Variants in MUC12 observed in about 807,000 individuals in gnomAD.
The protein encoded by MUC12 is mucin-12.
A neutral mutation model predicts 230.8 loss-of-function variants in MUC12; 172 were observed. The observed-to-expected ratio is 0.75, with a 90% CI of 0.66 to 0.85. MUC12 has a LOEUF of 0.85. Among genes scored for constraint, MUC12 ranks in the 40% least tolerant of loss-of-function variants. The pLI, the probability that MUC12 is intolerant of heterozygous loss-of-function variation, is 0.00. For missense variants in MUC12, 3,506 were observed against 5,920.6 expected (o/e 0.59, Z 13.38); for synonymous variants, 1,259 against 2,401.9 (o/e 0.52, Z 13.91).
Position 101,008,758 on chromosome 7 carries a change from T to C in MUC12, c.15183T>C (p.Asn5061=). 6.5e-7 allele frequency: 1 copy of C among 1,536,982 alleles called. No homozygotes were observed. Among genetic ancestry groups the C allele is most frequent in the Non-Finnish European group, 8.7e-7 (1 of 1,146,790 alleles). ...EYQNFSTLFK[N]RMDVVLKGDN... is the part of the protein sequence containing the mutation. ...AGAACTTCAGTACCCTCTTCAAGAA[T>C]CGGGTAAGACCAGGGCACACCCAGA... The change falls in exon 4 of 12, where the codon AAT becomes AAC. Residue 5061 remains asparagine, a synonymous_variant. Transcript: ENST00000536621.
At position 100,992,033 on chromosome 7, in the gene MUC12, T is replaced by G; in HGVS notation, c.1470T>G (p.Ser490Arg). The change falls in exon 2 of 12, where the codon AGT becomes AGG. Residue 490 changes from serine (S) to arginine (R), a missense_variant. Ser to Arg is a moderately radical substitution (Grantham distance 110). Coordinates refer to ENST00000536621, the MANE Select transcript of MUC12 (RefSeq NM_001164462.2). ...GCAGTACCACAAAACCAGGCCTCAGTGAGAAATCTACCACTTTCTACAGTA... is the reference window on the plus strand; with the variant it reads ...GCAGTACCACAAAACCAGGCCTCAGGGAGAAATCTACCACTTTCTACAGTA... ...LPGSTTKPGL[S>R]EKSTTFYSSP... 3 of 1,537,968 alleles carry G rather than the reference T, an allele frequency of 2.0e-6. No individual in the cohort carries two copies. The highest frequency in any genetic ancestry group is 2.6e-6 in the Non-Finnish European group (3 of 1,147,074).
chr7:101,005,310 G>T lies in MUC12; in HGVS notation c.14747G>T (p.Gly4916Val). 1 of 1,537,776 alleles carries T rather than the reference G, an allele frequency of 6.5e-7. No homozygotes were observed. Among genetic ancestry groups the T allele is most frequent in the Non-Finnish European group, 8.7e-7 (1 of 1,147,014 alleles). Residue 4916 changes from glycine (G) to valine (V), a missense_variant, in exon 2 of 12, where the codon GGA becomes GTA. Coordinates refer to ENST00000536621, the MANE Select transcript of MUC12 (RefSeq NM_001164462.2). ...TAFHSSSDAT[G>V]TTPLPARSTA... ...TTCCACAGCAGCTCAGACGCAACTGGAACAACACCCTTACCTGCCCGCTCC... is the reference window on the plus strand; with the variant it reads ...TTCCACAGCAGCTCAGACGCAACTGTAACAACACCCTTACCTGCCCGCTCC...
intron 10 of MUC12, chr7:101,017,220 A>G (rs1793944312): frequency 9.6e-6 from 2 of 207,764 alleles, no homozygotes; most frequent in East Asian, 2.2e-4. Context: ...TACCGTTGCT[A>G]TGAAGGAGGG....
intron 5 of MUC12, among the ~76,000 whole-genome samples, chr7:101,009,365 C>A (rs553016771): frequency 6.6e-6 from 1 of 152,336 alleles, no homozygotes; most frequent in African/African-American, 2.4e-5. Flanking sequence ...AGCCAGCCCC[C>A]TGCTGGGTGC....
intron 5 of MUC12, 115 bp downstream of exon 5, chr7:101,009,274 C>A: frequency 9.6e-7 from 1 of 1,040,772 alleles, no homozygotes; most frequent in African/African-American, 1.6e-5. Context: ...GTCAGAGAGT[C>A]CTGCAGCCGC....
chr7:101,012,840 A>T lies in MUC12; in HGVS notation c.15425A>T (p.Glu5142Val). The T allele has an allele frequency of 1.3e-6, 2 of 1,537,188 alleles. No individual in the cohort carries two copies. The highest frequency in any genetic ancestry group is 2.4e-5 in the South Asian group (2 of 84,064). ...GCAGAGGCCATACTGTGCTATAGTG[A>T]AGAGGACACTTTCGTGGATTCATCG... ...SCRKAILCYS[E>V]EDTFVDSSVT... is the part of the protein sequence containing the mutation. Residue 5142 changes from glutamate to valine, a missense_variant, in exon 7 of 12, where the codon GAA becomes GTA. Glu to Val is a moderately radical substitution (Grantham distance 121). Transcript: ENST00000536621.
intron 1 of MUC12, among the ~76,000 whole-genome samples, chr7:100,974,920 C>A (rs117386324): frequency 7.6e-3 from 1,160 of 152,088 alleles, no homozygotes; most frequent in Middle Eastern, 0.045. Context: ...TTGAAAGAGG[C>A]CTCTTGAGAG....
intron 1 of MUC12, 167 bp from the exon 2 acceptor site, chr7:100,990,464 T>C (rs1793262398): frequency 2.5e-6 from 2 of 799,450 alleles, no homozygotes; most frequent in Non-Finnish European, 3.9e-6. Context: ...TCTTCAAATC[T>C]ACAGGTTCAA....
At chr7:100,990,032 A>G (rs1793254111) in intron 1 of MUC12, among the ~76,000 whole-genome samples, 1 of 152,162 alleles carries the variant, frequency 6.6e-6, no homozygotes, top group Non-Finnish European at 1.5e-5. Flanking sequence ...AGACTCAGAA[A>G]AGTATCTAGT....
chr7:100,991,366 C>A lies in MUC12; in HGVS notation c.803C>A (p.Ser268Tyr). Reference sequence around the variant, plus strand: ...CACACAACACTGTCCCCTTCCAGCTCTACAACCCATGAGGGAGAACCTACC... The same window carrying A: ...CACACAACACTGTCCCCTTCCAGCTATACAACCCATGAGGGAGAACCTACC... The part of the protein sequence containing the change: ...SPHTTLSPSS[S>Y]TTHEGEPTTF... The change falls in exon 2 of 12, where the codon TCT (serine) becomes TAT (tyrosine). Residue 268 changes from serine (S) to tyrosine (Y), a missense_variant. Coordinates refer to ENST00000536621, the MANE Select transcript of MUC12 (RefSeq NM_001164462.2). The A allele has an allele frequency of 6.5e-7, 1 of 1,537,856 alleles. No individual in the cohort carries two copies. The highest frequency in any genetic ancestry group is 8.7e-7 in the Non-Finnish European group (1 of 1,147,042).
At chr7:100,970,383 A>G (rs1792847419) in intron 1 of MUC12, among the ~76,000 whole-genome samples, 1 of 151,878 alleles carries the variant, frequency 6.6e-6, no homozygotes, top group Non-Finnish European at 1.5e-5. Context: ...GCTACTTGGG[A>G]GGCTGAGGCA....
chr7:101,017,637 CTG>C lies in MUC12; in HGVS notation c.15941_15942del (p.Leu5314ArgfsTer4), dbSNP rs1253581315. On this transcript the variant is annotated frameshift_variant, in exon 11 of 12. Transcript: ENST00000536621. LOFTEE classifies it low-confidence loss of function (END_TRUNC). ...CGCCTACAACAACTTCCGGCCCACCCTGGAGACTGTTGACTCTGGCACAGAGG... is the reference window on the plus strand; with the variant it reads ...CGCCTACAACAACTTCCGGCCCACCCGAGACTGTTGACTCTGGCACAGAGG... Reference protein sequence around the residue: ...ENAYNNFRPTLETVDSGTELH... With the variant: ...ENAYNNFRPTXETVDSGTELH... 1 of 1,536,116 alleles carries C rather than the reference CTG, an allele frequency of 6.5e-7. No individual in the cohort carries two copies. The highest frequency in any genetic ancestry group is 2.4e-5 in the East Asian group (1 of 40,900).
chr7:100,991,422 A>T lies in MUC12; in HGVS notation c.859A>T (p.Thr287Ser). ...TFQSWPSSKD[T>S]SPAPSGTTSA... ...CCAGAGCTGGCCAAGCTCAAAGGAC[A>T]CTTCGCCTGCACCTTCTGGTACCAC... The change falls in exon 2 of 12, where the codon ACT becomes TCT. Residue 287 changes from threonine to serine, a missense_variant. Thr to Ser is a moderately conservative substitution (Grantham distance 58). Transcript: ENST00000536621. 6.5e-7 allele frequency: 1 copy of T among 1,537,816 alleles called. No homozygotes were observed. The highest frequency in any genetic ancestry group is 1.2e-5 in the South Asian group (1 of 84,054).
At chr7:100,976,945 G>A (rs1173294152) in intron 1 of MUC12, among the ~76,000 whole-genome samples, 3 of 150,214 alleles carry the variant, frequency 2.0e-5, no homozygotes, top group East Asian at 4.0e-4. Flanking sequence ...CAGCTACTCA[G>A]GAGACTGACG....
rs948503968 is a variant in MUC12, at chr7:101,014,021, C to G, written c.15747C>G (p.Leu5249=). The G allele has an allele frequency of 2.0e-6, 3 of 1,537,014 alleles. No homozygotes were observed. The highest frequency in any genetic ancestry group is 4.9e-5 in the East Asian group (2 of 40,914). Reference sequence around the variant, plus strand: ...GGGCTGTGATGGCGGTGCTGCTGCTCGCATTGATCATCCTAATCATCTTAT... The same window carrying G: ...GGGCTGTGATGGCGGTGCTGCTGCTGGCATTGATCATCCTAATCATCTTAT... ...IVGAVMAVLL[L]ALIILIILFS... The change falls in exon 9 of 12, where the codon CTC becomes CTG. Residue 5249 remains leucine (L), a synonymous_variant. Transcript: ENST00000536621.
intron 1 of MUC12, among the ~76,000 whole-genome samples, chr7:100,971,751 TC>T (rs1458625846): frequency 6.6e-6 from 1 of 152,312 alleles, no homozygotes; most frequent in Non-Finnish European, 1.5e-5. Flanking sequence ...GGAGGGGTCC[TC>T]CCCATCCCTG....
chr7:101,017,485 G>T, intron 10 of MUC12, 90 bp from the exon 11 acceptor site: 1 of 812,946 alleles, frequency 1.2e-6, no homozygotes. Context: ...ATGCCGGGCT[G>T]ACTCTTCCTT....
chr7:100,995,565 G>A lies in MUC12; in HGVS notation c.5002G>A (p.Gly1668Arg). The A allele has an allele frequency of 2.6e-6, 4 of 1,536,448 alleles. No homozygotes were observed. The highest frequency in any genetic ancestry group is 3.5e-6 in the Non-Finnish European group (4 of 1,146,926). The stretch of plus-strand genomic sequence containing the variant: ...ATCTACGCCCGTCCACAGCAGCACT[G>A]GATCGCCACACACAACACTGTCCCC... ...EASTPVHSST[G>R]SPHTTLSPAG... The change falls in exon 2 of 12, where the codon GGA (glycine) becomes AGA (arginine). Residue 1668 changes from glycine (G) to arginine (R), a missense_variant. Gly to Arg is a moderately radical substitution (Grantham distance 125). Coordinates refer to ENST00000536621, the MANE Select transcript of MUC12 (RefSeq NM_001164462.2).
Position 101,004,756 on chromosome 7 carries a change from A to G in MUC12, c.14193A>G (p.Thr4731=). 24 of 1,536,944 alleles carry G rather than the reference A, an allele frequency of 1.6e-5. No individual in the cohort carries two copies. Among genetic ancestry groups the G allele is most frequent in the Non-Finnish European group, 2.0e-5 (23 of 1,146,388 alleles). The change falls in exon 2 of 12, where the codon ACA becomes ACG. Residue 4731 remains threonine, a synonymous_variant. Coordinates refer to ENST00000536621, the MANE Select transcript of MUC12 (RefSeq NM_001164462.2). ...CAACATTAGCCAGCACTGCCACAAC[A>G]CCAGGCCTCAGTGCAAAATCTACCA... ...METTLASTAT[T]PGLSAKSTIL... is the part of the protein sequence containing the mutation.
Sources: gnomAD v4.1 joint callset for allele counts (sites outside exome capture counted in the v4.1 genomes callset) on GRCh38, gnomAD v4.1.1 for gene constraint, MANE v1.5 for transcripts, NCBI Gene and HGNC (gene_info 2026-07-23, HGNC 2026-07-21) for gene names.